LRRK1: variants seen among roughly 807,000 people sequenced by gnomAD.
LRRK1 encodes leucine-rich repeat serine/threonine-protein kinase 1.
Under a neutral mutation model 209.1 loss-of-function variants are expected in LRRK1, and 113 were observed. The observed-to-expected ratio is 0.54, with a 90% confidence interval of 0.46 to 0.63. The LOEUF (loss-of-function observed/expected upper bound fraction) is 0.63. Among genes scored for constraint, LRRK1 ranks in the 30% least tolerant of loss-of-function variants. The probability of loss-of-function intolerance (pLI) is 0.00; values close to 1 mark genes in which losing one functional copy is unlikely to be tolerated. For missense variants in LRRK1, 2,284 were observed against 2,632.2 expected, an observed-to-expected ratio of 0.87 and a Z score of 2.89; for synonymous variants, 1,144 against 1,099.7, an observed-to-expected ratio of 1.04 and a Z score of -0.80.
chr15:101,068,618 C>T, intron 33 of LRRK1, 53 bp from the exon 34 acceptor site: 1 of 1,520,944 alleles, frequency 6.6e-7, no homozygotes, highest in East Asian at 2.3e-5. Flanking sequence ...GGGTCCCAAC[C>T]CCACCCGAGT....
Position 101,068,906 on chromosome 15 carries a change from C to G in LRRK1, c.*58C>G. The G allele has an allele frequency of 7.4e-6, 11 of 1,484,136 alleles. No homozygotes were observed. The highest frequency in any genetic ancestry group is 9.1e-6 in the Non-Finnish European group (10 of 1,103,638). The allele number at this position is 1,484,136 out of a possible 1,614,324, so 91.9% of individuals were successfully genotyped here. The stretch of plus-strand genomic sequence containing the variant: ...GGCTGGCCCGGGGCTGCAGCCTGAC[C>G]CCTCTGCCATCGGCCTCTAGTTCTC... On this transcript the variant is annotated 3_prime_UTR_variant, in exon 34 of 34. Transcript: ENST00000388948.
rs921036559 is a variant in LRRK1 at position 101,074,643 on chromosome 15, T to C, written c.*5795T>C. On this transcript the variant is annotated 3_prime_UTR_variant, in exon 34 of 34. Coordinates refer to ENST00000388948, the MANE Select transcript of LRRK1 (RefSeq NM_024652.6). The stretch of plus-strand genomic sequence containing the variant: ...CCGGCCCTCAAACCCCACAACAGGA[T>C]TTAATTAACCTTGCCTTCAAGGTGT... The C allele has an allele frequency of 6.6e-6, 1 of 152,116 alleles. No homozygotes were observed. The highest frequency in any genetic ancestry group is 1.5e-5 in the Non-Finnish European group (1 of 68,034). 9.4% of individuals were successfully genotyped at this position (152,116 alleles called of 1,614,324 possible). A position where few individuals can be genotyped will look rare whatever the true frequency, so the allele number is the denominator to read the frequency against.
In LRRK1 at chr15:100,973,808, CG is replaced by C. The variant is rs1197259435; in HGVS notation, c.106del (p.Asp36ThrfsTer56). On this transcript the variant is annotated frameshift_variant, in exon 3 of 34. Coordinates refer to ENST00000388948, the MANE Select transcript of LRRK1 (RefSeq NM_024652.6). LOFTEE classifies it high-confidence loss of function. ...ERAMETLNGA[G>X]DTGGKPSTRG... ...TGTGTGCTTCCTCCCGCGCAGGTGC[CG>C]GGGACACGGGCGGCAAGCCGTCCAC... is the stretch of plus-strand genomic sequence containing the variant. 5.4e-6 allele frequency: 7 copies of C among 1,290,730 alleles called. No homozygotes were observed. The highest frequency in any genetic ancestry group is 2.4e-5 in the South Asian group (1 of 42,460). The allele number at this position is 1,290,730 out of a possible 1,614,324, so 80.0% of individuals were successfully genotyped here. A position where few individuals can be genotyped will look rare whatever the true frequency, so the allele number is the denominator to read the frequency against.
In LRRK1 at chr15:100,983,644, G is replaced by A. The variant is rs1408442799; in HGVS notation, c.378G>A (p.Val126=). 3 of 1,608,252 alleles carry A rather than the reference G, an allele frequency of 1.9e-6. No homozygotes were observed. The highest frequency in any genetic ancestry group is 2.2e-5 in the East Asian group (1 of 44,796). The stretch of plus-strand genomic sequence containing the variant: ...CCACGGATGACAACCCAGCCGTGGT[G>A]GCAGCGTATTTTGGACACACGGCAG... ...TEPTDDNPAV[V]AAYFGHTAVV... Residue 126 remains valine (V), a synonymous_variant, in exon 4 of 34, where the codon GTG becomes GTA. Coordinates refer to ENST00000388948, the MANE Select transcript of LRRK1 (RefSeq NM_024652.6).
At chr15:100,990,365 C>T (rs1218441167) in intron 6 of LRRK1, among the ~76,000 whole-genome samples, 1 of 151,726 alleles carries the variant, frequency 6.6e-6, no homozygotes, top group Admixed American at 6.6e-5. Flanking sequence ...TGCAATATAG[C>T]CTGATTTGCT....
intron 11 of LRRK1, 85 bp downstream of exon 11, chr15:101,014,513 A>T: frequency 1.1e-6 from 1 of 909,726 alleles, no homozygotes; most frequent in Non-Finnish European, 1.8e-6. Flanking sequence ...GTGGCATGTG[A>T]GTCTGCGAGG....
Position 101,071,412 on chromosome 15 carries a change from C to G in LRRK1, c.*2564C>G, listed in dbSNP as rs143277795. On this transcript the variant is annotated 3_prime_UTR_variant, in exon 34 of 34. Transcript: ENST00000388948. The stretch of plus-strand genomic sequence containing the variant: ...TTTGTTTTGTTTTTGTTTTTTGAGA[C>G]GGAGTCTCGCTCTGTTGCCCAGGCT... 600 of 152,272 alleles carry G rather than the reference C, an allele frequency of 3.9e-3. 3 individuals carry two copies. The highest frequency in any genetic ancestry group is 0.014 in the African/African-American group (561 of 41,488). 9.4% of individuals were successfully genotyped at this position (152,272 alleles called of 1,614,324 possible).
At chr15:100,988,178 T>G (rs1267741494) in intron 4 of LRRK1, among the ~76,000 whole-genome samples, 1 of 152,234 alleles carries the variant, frequency 6.6e-6, no homozygotes, top group African/African-American at 2.4e-5. Flanking sequence ...CAGGGGTACA[T>G]ATGCAGGTTT....
intron 3 of LRRK1, among the ~76,000 whole-genome samples, chr15:100,974,642 C>T (rs1030478885): frequency 6.6e-6 from 1 of 152,218 alleles, no homozygotes; most frequent in Non-Finnish European, 1.5e-5. Context: ...AGGATTGCTT[C>T]TCATCTCTTA....
At chr15:100,923,856 T>C (rs2042061695) in intron 1 of LRRK1, among the ~76,000 whole-genome samples, 1 of 152,238 alleles carries the variant, frequency 6.6e-6, no homozygotes, top group Admixed American at 6.5e-5. Context: ...AGCCAAGTTG[T>C]GGCAACCAAA....
chr15:101,001,192 C>A (rs545683809), intron 6 of LRRK1, among the ~76,000 whole-genome samples: 2 of 152,174 alleles, frequency 1.3e-5, no homozygotes, highest in Non-Finnish European at 2.9e-5. Context: ...TTCCAGTTCT[C>A]TGTCACTGAA....
chr15:100,949,669 C>A (rs1026706165), intron 2 of LRRK1, among the ~76,000 whole-genome samples: 1 of 152,088 alleles, frequency 6.6e-6, no homozygotes, highest in Non-Finnish European at 1.5e-5. Flanking sequence ...AAGGATTATA[C>A]GCCATGACCA....
rs1394252126 is a variant in LRRK1 at position 101,052,919 on chromosome 15, C to T, written c.3690-3C>T. 6.2e-7 allele frequency: 1 copy of T among 1,603,196 alleles called. No individual in the cohort carries two copies. The highest frequency in any genetic ancestry group is 8.5e-7 in the Non-Finnish European group (1 of 1,171,782). On this transcript the variant is annotated splice_region_variant and splice_polypyrimidine_tract_variant and intron_variant, in intron 24 of 33. Coordinates refer to ENST00000388948, the MANE Select transcript of LRRK1 (RefSeq NM_024652.6). ...TGTGGCTGATGCCGGGCGTGTGTGG[C>T]AGGCTCTTCCTGGAGAACAGCAAGC...
At chr15:101,041,661 C>T (rs2034761270) in intron 20 of LRRK1, among the ~76,000 whole-genome samples, 1 of 152,196 alleles carries the variant, frequency 6.6e-6, no homozygotes, top group African/African-American at 2.4e-5. Context: ...CTCCTCCCAG[C>T]ACCCTCTGTA....
chr15:101,062,874 T>G (rs1275956132), intron 31 of LRRK1, among the ~76,000 whole-genome samples, 184 bp downstream of exon 31: 1 of 152,150 alleles, frequency 6.6e-6, no homozygotes, highest in Non-Finnish European at 1.5e-5. Flanking sequence ...GCCTTCCGGT[T>G]TGCAAAAACC....
At chr15:101,041,880 A>G (rs1235723448) in intron 20 of LRRK1, among the ~76,000 whole-genome samples, 1 of 152,240 alleles carries the variant, frequency 6.6e-6, no homozygotes, top group Non-Finnish European at 1.5e-5. Flanking sequence ...AATAACAACA[A>G]AACAGTATAA....
At chr15:101,030,170 G>T (rs2034219583) in intron 20 of LRRK1, among the ~76,000 whole-genome samples, 1 of 152,018 alleles carries the variant, frequency 6.6e-6, no homozygotes, top group African/African-American at 2.4e-5. Context: ...CGCTCCTCAT[G>T]ACTTTGTGCT....
intron 2 of LRRK1, among the ~76,000 whole-genome samples, chr15:100,935,073 A>C (rs922814462): frequency 2.0e-5 from 3 of 152,102 alleles, no homozygotes; most frequent in Admixed American, 1.3e-4. Context: ...TTAGTCCTAC[A>C]CTCCAGGCTA....
rs530211621 is a variant in LRRK1, at chr15:101,075,233, G to A, written c.*6385G>A. 3 of 29,786 alleles carry A rather than the reference G, an allele frequency of 1.0e-4. 1 individual carries two copies. The South Asian group carries it at 4.0e-3, about 40-fold the overall frequency. 1.8% of individuals were successfully genotyped at this position (29,786 alleles called of 1,614,324 possible). A position where few individuals can be genotyped will look rare whatever the true frequency, so the allele number is the denominator to read the frequency against. ...CCTCTTAAAACTCCCCAACTCTGGT[G>A]CCAACTTAGACAATACTCTTTTAAG... is the stretch of plus-strand genomic sequence containing the variant. On this transcript the variant is annotated 3_prime_UTR_variant, in exon 34 of 34. Coordinates refer to ENST00000388948, the MANE Select transcript of LRRK1 (RefSeq NM_024652.6).
Sources: allele counts gnomAD v4.1 joint callset (sites outside exome capture counted in the v4.1 genomes callset), GRCh38; gene constraint gnomAD v4.1.1; transcripts MANE v1.5; gene names NCBI Gene and HGNC (gene_info 2026-07-23, HGNC 2026-07-21).